ATP6V0D2: variants seen among roughly 807,000 people sequenced by gnomAD.
ATP6V0D2 encodes ATPase H+ transporting V0 subunit d2, also known as V-type proton ATPase subunit d 2.
ATP6V0D2 carries 40 observed loss-of-function variants against 40.0 expected under a neutral mutation model. The ratio of observed to expected loss-of-function variants is 1.00; its 90% CI spans 0.78 to 1.30. ATP6V0D2 has a LOEUF of 1.30. Among genes scored for constraint, ATP6V0D2 ranks in the 50% most tolerant of loss-of-function variants. The probability of loss-of-function intolerance (pLI) is 0.00; values close to 1 mark genes in which losing one functional copy is unlikely to be tolerated. For synonymous variants in ATP6V0D2, 179 were observed against 156.3 expected, an observed-to-expected ratio of 1.15 and a Z score of -1.08; for missense variants, 470 against 423.1, an observed-to-expected ratio of 1.11 and a Z score of -0.97.
chr8:86,109,596 T>A (rs1426521778), intron 1 of ATP6V0D2, among the ~76,000 whole-genome samples: 3 of 152,160 alleles, frequency 2.0e-5, no homozygotes, highest in Non-Finnish European at 4.4e-5. Context: ...AAGAAACATA[T>A]GTCACATGAG....
intron 1 of ATP6V0D2, among the ~76,000 whole-genome samples, chr8:86,109,923 G>T (rs979667151): frequency 5.9e-5 from 9 of 152,034 alleles, no homozygotes; most frequent in South Asian, 4.2e-4. Context: ...TTCATAGCTC[G>T]CAGTGGCTTC....
chr8:86,118,023 TTTCTTTTTTTTTC>T (rs1013823428), intron 2 of ATP6V0D2, among the ~76,000 whole-genome samples: 2 of 126,320 alleles, frequency 1.6e-5, no homozygotes, highest in African/African-American at 1.1e-4. Flanking sequence ...TCTTTCTTTC[TTTCTTTTTTTTTC>T]TTTCTTTCTT....
intron 4 of ATP6V0D2, among the ~76,000 whole-genome samples, chr8:86,142,490 T>C (rs1383612877): frequency 3.3e-5 from 5 of 152,166 alleles, no homozygotes; most frequent in Non-Finnish European, 2.9e-5. Context: ...CTCAAAGCCA[T>C]CCCAAATGTG....
At chr8:86,115,410 T>C (rs988690409) in intron 2 of ATP6V0D2, among the ~76,000 whole-genome samples, 3 of 133,760 alleles carry the variant, frequency 2.2e-5, no homozygotes, top group Admixed American at 1.7e-4. Context: ...ATTCTGTCGC[T>C]CAGGCTGGAG....
chr8:86,133,950 A>C (rs1818863057), intron 2 of ATP6V0D2, among the ~76,000 whole-genome samples: 1 of 152,166 alleles, frequency 6.6e-6, no homozygotes, highest in Non-Finnish European at 1.5e-5. Context: ...AAAGACACAC[A>C]CCGACTGATT....
intron 1 of ATP6V0D2, among the ~76,000 whole-genome samples, chr8:86,107,570 C>A (rs762788535): frequency 1.1e-4 from 17 of 152,208 alleles, no homozygotes; most frequent in Non-Finnish European, 2.4e-4. Context: ...TATACTAAAA[C>A]CATTCTGGCA....
chr8:86,099,127 A>G lies in ATP6V0D2; in HGVS notation c.130+19A>G. 6.5e-7 allele frequency: 1 copy of G among 1,534,178 alleles called. No individual in the cohort carries two copies. Among genetic ancestry groups the G allele is most frequent in the Non-Finnish European group, 8.7e-7 (1 of 1,147,376 alleles). On this transcript the variant is annotated intron_variant, in intron 1 of 7. Transcript: ENST00000285393. Reference sequence around the variant, plus strand: ...CTAGAAGGTAAGTGTAGCTCTTCTCACCCTTTAAAAAGAAAAAAAAAAAAA... The same window carrying G: ...CTAGAAGGTAAGTGTAGCTCTTCTCGCCCTTTAAAAAGAAAAAAAAAAAAA...
Position 86,153,288 on chromosome 8 carries a change from G to T in ATP6V0D2, c.*311G>T. The T allele has an allele frequency of 1.1e-5, 2 of 180,780 alleles. No individual in the cohort carries two copies. Among genetic ancestry groups the T allele is most frequent in the Non-Finnish European group, 1.1e-5 (1 of 87,506 alleles). 11.2% of individuals were successfully genotyped at this position (180,780 alleles called of 1,614,324 possible). A position where few individuals can be genotyped will look rare whatever the true frequency, so the allele number is the denominator to read the frequency against. ...ATGTTAAAAATTGGACCTAATAAAA[G>T]TATTTTATTCTTGCTTTTCCATGCT... On this transcript the variant is annotated 3_prime_UTR_variant, in exon 8 of 8. Transcript: ENST00000285393.
chr8:86,113,285 C>T (rs890669445), intron 1 of ATP6V0D2, among the ~76,000 whole-genome samples: 1 of 152,028 alleles, frequency 6.6e-6, no homozygotes, highest in Non-Finnish European at 1.5e-5. Context: ...TCGAGACCAG[C>T]CTGGCCAACA....
intron 5 of ATP6V0D2, among the ~76,000 whole-genome samples, chr8:86,148,662 T>C (rs969375158): frequency 2.0e-5 from 3 of 152,178 alleles, no homozygotes; most frequent in African/African-American, 4.8e-5. Context: ...AATATTGCTT[T>C]GAATAGCAAC....
At chr8:86,148,172 C>T (rs1819097490) in intron 5 of ATP6V0D2, among the ~76,000 whole-genome samples, 1 of 152,158 alleles carries the variant, frequency 6.6e-6, no homozygotes, top group African/African-American at 2.4e-5. Flanking sequence ...TCCATTGTTG[C>T]TCTAGTTGCC....
At chr8:86,115,321 T>C (rs544346449) in intron 2 of ATP6V0D2, among the ~76,000 whole-genome samples, 16 of 150,446 alleles carry the variant, frequency 1.1e-4, no homozygotes, top group Non-Finnish European at 1.2e-4. Flanking sequence ...ATACTCCCTC[T>C]ATCCTTCTAT....
intron 5 of ATP6V0D2, among the ~76,000 whole-genome samples, chr8:86,145,715 T>A (rs1211261259): frequency 2.0e-5 from 3 of 152,202 alleles, no homozygotes. Flanking sequence ...ATCCATATTA[T>A]CTATGGCTCA....
chr8:86,126,070 T>C (rs964720973), intron 2 of ATP6V0D2, among the ~76,000 whole-genome samples: 1 of 149,848 alleles, frequency 6.7e-6, no homozygotes, highest in Non-Finnish European at 1.5e-5. Context: ...CCTGAGTAGC[T>C]GGGATTACAG....
intron 2 of ATP6V0D2, among the ~76,000 whole-genome samples, chr8:86,133,613 G>A (rs1055964842): frequency 6.6e-6 from 1 of 151,802 alleles, no homozygotes; most frequent in African/African-American, 2.4e-5. Context: ...GATTCACCGC[G>A]CCTGGCCACA....
Position 86,105,620 on chromosome 8 carries a change from TC to T in ATP6V0D2, c.130+6513del, listed in dbSNP as rs1251385001. ...TAGCCTGTAAACTTCTTTTTTCTTT[TC>T]TTTTTTTTTTTTTTTGAGATGGATT... is the stretch of plus-strand genomic sequence containing the variant. On this transcript the variant is annotated intron_variant, in intron 1 of 7. Transcript: ENST00000285393. Among the ~76,000 whole-genome samples the T allele has an allele frequency of 6.3e-5, 9 of 143,158 alleles. 1 individual carries two copies. Among genetic ancestry groups the T allele is most frequent in the African/African-American group, 1.5e-4 (6 of 38,878 alleles). 93.9% of individuals were successfully genotyped at this position (143,158 alleles called of 152,430 possible).
At chr8:86,108,347 G>T (rs1351238275) in intron 1 of ATP6V0D2, among the ~76,000 whole-genome samples, 1 of 151,820 alleles carries the variant, frequency 6.6e-6, no homozygotes, top group Non-Finnish European at 1.5e-5. Flanking sequence ...TTGCCATGTT[G>T]CCCAGTCTAG....
intron 2 of ATP6V0D2, among the ~76,000 whole-genome samples, chr8:86,129,824 A>G (rs1586095554): frequency 1.3e-5 from 2 of 149,730 alleles, no homozygotes; most frequent in South Asian, 2.1e-4. Flanking sequence ...AAAAGGGAAA[A>G]AAATTGACCA....
chr8:86,104,084 T>C (rs2130226030), intron 1 of ATP6V0D2, among the ~76,000 whole-genome samples: 1 of 152,138 alleles, frequency 6.6e-6, no homozygotes, highest in East Asian at 1.9e-4. Context: ...CACCTCAGCC[T>C]CCCAAAGTGC....
Sources: gnomAD v4.1 joint callset for allele counts (sites outside exome capture counted in the v4.1 genomes callset) on GRCh38, gnomAD v4.1.1 for gene constraint, MANE v1.5 for transcripts, NCBI Gene and HGNC (gene_info 2026-07-23, HGNC 2026-07-21) for gene names.